NRCAM: variants seen among roughly 807,000 people sequenced by gnomAD.
NRCAM encodes NgCAM-related cell adhesion molecule.
A neutral mutation model predicts 156.5 loss-of-function variants in NRCAM; 83 were observed. That is an observed-to-expected ratio of 0.53 (90% CI 0.44 to 0.64). The LOEUF is 0.64. NRCAM is among the 30% of genes least tolerant of loss of function. The pLI is 0.00. For missense variants in NRCAM, 1,417 were observed against 1,597.3 expected (o/e 0.89, Z 1.92); for synonymous variants, 538 against 563.9 (o/e 0.95, Z 0.65).
In NRCAM at chr7:108,209,477, C is replaced by A. The variant is rs2153583648; in HGVS notation, c.1019G>T (p.Cys340Phe). 1 of 1,611,018 alleles carries A rather than the reference C, an allele frequency of 6.2e-7. No homozygotes were observed. The highest frequency in any genetic ancestry group is 8.5e-7 in the Non-Finnish European group (1 of 1,178,666). ...GGCTCCTAATGCGTTTTTTGCTATA[C>A]ATTGGTAATTTCCAGAGTCTGCTTC... ...VSEADSGNYQ[C>F]IAKNALGAIH... is the part of the protein sequence containing the mutation. The change falls in exon 12 of 33, where the codon TGT becomes TTT. Residue 340 changes from cysteine (C) to phenylalanine (F), a missense_variant. Cys to Phe is a radical substitution (Grantham distance 205). This residue lies in a region of NRCAM where 1,238 missense variants were observed against 1,336.4 expected (regional missense o/e 0.93). Transcript: ENST00000379028.
intron 3 of NRCAM, among the ~76,000 whole-genome samples, chr7:108,275,387 G>A (rs1199404918): frequency 6.6e-6 from 1 of 152,092 alleles, no homozygotes; most frequent in Non-Finnish European, 1.5e-5. Context: ...TTGATTGGTA[G>A]GCTATTAATT....
At chr7:108,210,243 G>T (rs2083368116) in intron 11 of NRCAM, among the ~76,000 whole-genome samples, 5 of 149,604 alleles carry the variant, frequency 3.3e-5, no homozygotes, top group African/African-American at 1.2e-4. Flanking sequence ...GTCACCCAAT[G>T]TTTTGTTTTG....
chr7:108,230,826 C>A (rs998027473), intron 8 of NRCAM, among the ~76,000 whole-genome samples: 15 of 152,074 alleles, frequency 9.9e-5, no homozygotes, highest in Non-Finnish European at 1.9e-4. Context: ...TCTCCTCCCA[C>A]TGCAAAGAAT....
intron 1 of NRCAM, among the ~76,000 whole-genome samples, chr7:108,444,428 T>C (rs1405287713): frequency 6.6e-6 from 1 of 152,142 alleles, no homozygotes; most frequent in Non-Finnish European, 1.5e-5. Context: ...GTATTCTGTA[T>C]TAGTTTGCCG....
intron 1 of NRCAM, among the ~76,000 whole-genome samples, chr7:108,407,080 A>G (rs1439202384): frequency 6.6e-6 from 1 of 152,170 alleles, no homozygotes; most frequent in Non-Finnish European, 1.5e-5. Flanking sequence ...ATTTTCTTCC[A>G]TGTTCATGTT....
chr7:108,408,981 C>A (rs557695448), intron 1 of NRCAM, among the ~76,000 whole-genome samples: 3 of 152,082 alleles, frequency 2.0e-5, no homozygotes, highest in Non-Finnish European at 4.4e-5. Context: ...GTGAATGGAG[C>A]CCTTAAGCTG....
At chr7:108,334,818 T>C (rs2099162501) in intron 2 of NRCAM, among the ~76,000 whole-genome samples, 1 of 152,110 alleles carries the variant, frequency 6.6e-6, no homozygotes, top group Non-Finnish European at 1.5e-5. Context: ...AAATAGTATC[T>C]AGTAGTCAAG....
chr7:108,351,763 CT>C (rs11460232), intron 2 of NRCAM, among the ~76,000 whole-genome samples: 3 of 149,820 alleles, frequency 2.0e-5, no homozygotes, highest in African/African-American at 2.5e-5. Context: ...ATATTGACCA[CT>C]TTTTTTTTTT....
intron 1 of NRCAM, among the ~76,000 whole-genome samples, chr7:108,424,228 G>A (rs1047580842): frequency 6.6e-6 from 1 of 152,188 alleles, no homozygotes; most frequent in African/African-American, 2.4e-5. Context: ...GTGGGGCATC[G>A]AAGAGAGCTG....
At chr7:108,245,152 T>A (rs1241777614) in intron 3 of NRCAM, among the ~76,000 whole-genome samples, 1 of 152,076 alleles carries the variant, frequency 6.6e-6, no homozygotes, top group Non-Finnish European at 1.5e-5. Context: ...CCTGCTTAAA[T>A]GTCACGTGAT....
At chr7:108,240,916 A>C (rs1429306244) in intron 3 of NRCAM, among the ~76,000 whole-genome samples, 1 of 152,094 alleles carries the variant, frequency 6.6e-6, no homozygotes, top group Non-Finnish European at 1.5e-5. Context: ...TGGTTTGATG[A>C]TGCATTTCTG....
At chr7:108,276,015 T>C (rs747092713) in intron 3 of NRCAM, among the ~76,000 whole-genome samples, 4 of 152,210 alleles carry the variant, frequency 2.6e-5, no homozygotes, top group Non-Finnish European at 5.9e-5. Context: ...CAGGTGCAGG[T>C]TGTTCAGTTT....
chr7:108,207,416 A>AT, intron 13 of NRCAM, 112 bp downstream of exon 13: 1 of 1,050,924 alleles, frequency 9.5e-7, no homozygotes. Flanking sequence ...TTTAACATAC[A>AT]TGTGGCTTCC....
intron 2 of NRCAM, among the ~76,000 whole-genome samples, chr7:108,318,457 A>G (rs1156524230): frequency 6.6e-6 from 1 of 152,208 alleles, no homozygotes; most frequent in African/African-American, 2.4e-5. Context: ...TGGTTAAACA[A>G]TGAAATACAC....
chr7:108,268,281 C>A (rs1363927651), intron 3 of NRCAM, among the ~76,000 whole-genome samples: 1 of 152,148 alleles, frequency 6.6e-6, no homozygotes, highest in South Asian at 2.1e-4. Context: ...AGTTTCCTTG[C>A]AAACAGGAAA....
At chr7:108,383,723 T>C (rs897106447) in intron 2 of NRCAM, among the ~76,000 whole-genome samples, 1 of 152,234 alleles carries the variant, frequency 6.6e-6, no homozygotes, top group African/African-American at 2.4e-5. Flanking sequence ...CTTCAGTTTA[T>C]GCTGAAGACA....
At chr7:108,220,855 A>C (rs1201393550) in intron 11 of NRCAM, among the ~76,000 whole-genome samples, 1 of 152,210 alleles carries the variant, frequency 6.6e-6, no homozygotes, top group African/African-American at 2.4e-5. Flanking sequence ...CCTGGGACTT[A>C]ATTAAATTAA....
At chr7:108,357,953 G>A (rs1320813175) in intron 2 of NRCAM, among the ~76,000 whole-genome samples, 1 of 152,152 alleles carries the variant, frequency 6.6e-6, no homozygotes, top group Non-Finnish European at 1.5e-5. Context: ...GGTAGGGAGG[G>A]TGGGGAAGCC....
intron 2 of NRCAM, among the ~76,000 whole-genome samples, chr7:108,392,293 ACTTCT>A (rs1221691481): frequency 1.3e-5 from 2 of 152,046 alleles, no homozygotes; most frequent in Admixed American, 6.6e-5. Context: ...TTTTCTCTAA[ACTTCT>A]CTTCTCACTT....
Sources: allele counts gnomAD v4.1 joint callset (sites outside exome capture counted in the v4.1 genomes callset), GRCh38; gene constraint gnomAD v4.1.1; regional missense constraint gnomAD v4.1.1; transcripts MANE v1.5; gene names NCBI Gene and HGNC (gene_info 2026-07-23, HGNC 2026-07-21).